HOMER2: variants seen among roughly 807,000 people sequenced by gnomAD.
HOMER2 encodes homer protein homolog 2.
A neutral mutation model predicts 47.0 loss-of-function variants in HOMER2; 27 were observed. That is an observed-to-expected ratio of 0.57 (90% confidence interval 0.42 to 0.79). HOMER2 has a LOEUF of 0.79. Ranked by LOEUF, HOMER2 falls within the 30% of genes least tolerant of loss-of-function variation. The pLI, the probability that HOMER2 is intolerant of heterozygous loss-of-function variation, is 0.00. For missense variants in HOMER2, 443 were observed against 435.0 expected (o/e 1.02, Z -0.16); for synonymous variants, 161 against 163.8 (o/e 0.98, Z 0.13).
chr15:82,930,234 C>T (rs1399072608), intron 1 of HOMER2, among the ~76,000 whole-genome samples: 1 of 152,186 alleles, frequency 6.6e-6, no homozygotes, highest in Non-Finnish European at 1.5e-5. Flanking sequence ...GTCACTCCAC[C>T]TCTCTCAACT....
At chr15:82,948,263 C>T (rs552861628) in intron 1 of HOMER2, among the ~76,000 whole-genome samples, 17 of 151,930 alleles carry the variant, frequency 1.1e-4, no homozygotes, top group Non-Finnish European at 2.1e-4. Context: ...TGGTGGCGGG[C>T]GCCTGTAGTC....
downstream of HOMER2, among the ~76,000 whole-genome samples, chr15:82,836,683 G>T (rs1441821385): frequency 6.6e-6 from 1 of 152,242 alleles, no homozygotes; most frequent in African/African-American, 2.4e-5. Flanking sequence ...TTGTCCTGGA[G>T]TGAAAAGCAT....
intron 2 of HOMER2, among the ~76,000 whole-genome samples, chr15:82,888,543 C>T (rs1314159403): frequency 6.0e-5 from 1 of 16,574 alleles, no homozygotes; most frequent in African/African-American, 4.8e-4. Flanking sequence ...TAGCAATCAG[C>T]GAGATTCCGT....
chr15:82,940,514 C>T (rs772952299), intron 1 of HOMER2, among the ~76,000 whole-genome samples: 9 of 152,142 alleles, frequency 5.9e-5, no homozygotes, highest in South Asian at 2.1e-4. Context: ...GAGGCCAAGG[C>T]GGGCGGATCA....
At chr15:82,963,641 C>T (rs965193117) in intron 1 of HOMER2, among the ~76,000 whole-genome samples, 4 of 152,182 alleles carry the variant, frequency 2.6e-5, no homozygotes, top group African/African-American at 9.6e-5. Flanking sequence ...TAATAAGCAC[C>T]TGGAGTGATT....
chr15:82,839,432 A>T (rs1435235630), exon 2 of HOMER2: 1 of 152,250 alleles, frequency 6.6e-6, no homozygotes, highest in Non-Finnish European at 1.5e-5. Context: ...ACATTAGCCT[A>T]CTTAGGGAGA....
At chr15:82,840,684 C>T (rs1390822634) in exon 2 of HOMER2, 1 of 152,042 alleles carries the variant, frequency 6.6e-6, no homozygotes, top group Non-Finnish European at 1.5e-5. Flanking sequence ...AATCTTCCTG[C>T]CTCCGCCTCC....
intron 4 of HOMER2, among the ~76,000 whole-genome samples, chr15:82,859,722 T>C (rs919662761): frequency 2.6e-5 from 4 of 152,206 alleles, no homozygotes; most frequent in Non-Finnish European, 5.9e-5. Flanking sequence ...GTGTTTTCCG[T>C]AAGTCATACC....
chr15:82,889,677 G>T (rs888699743), intron 2 of HOMER2, among the ~76,000 whole-genome samples: 1 of 152,178 alleles, frequency 6.6e-6, no homozygotes, highest in African/African-American at 2.4e-5. Flanking sequence ...AGCCGCGGGG[G>T]ACCAGGCAGC....
chr15:82,930,757 G>A (rs894931548), intron 1 of HOMER2, among the ~76,000 whole-genome samples: 4 of 152,194 alleles, frequency 2.6e-5, no homozygotes, highest in Non-Finnish European at 1.5e-5. Context: ...TGGGTGTGGT[G>A]GCTCATGCCT....
chr15:82,859,029 C>T lies in HOMER2; in HGVS notation c.494G>A (p.Ser165Asn), dbSNP rs928396831. 2.5e-6 allele frequency: 4 copies of T among 1,613,508 alleles called. No homozygotes were observed. Among genetic ancestry groups the T allele is most frequent in the Admixed American group, 3.3e-5 (2 of 59,958 alleles). ...AATCTGGACTTTAAAACAGCCTTAC[C>T]TCTGCGTCAAGGCAATCTTCAGCTT... The part of the protein sequence containing the change: ...NDKLKIALTQ[S>N]AANVKKWEIE... Residue 165 changes from serine to asparagine, a missense_variant and splice_region_variant, in exon 5 of 9, where the codon AGC (serine) becomes AAC (asparagine). Ser to Asn is a conservative substitution (Grantham distance 46, BLOSUM62 1). Transcript: ENST00000450735.
At chr15:82,894,729 C>G (rs12324281) in intron 1 of HOMER2, among the ~76,000 whole-genome samples, 1,610 of 148,146 alleles carry the variant, frequency 0.011, 34 homozygotes, top group African/African-American at 0.038. Context: ...TTAATAAGTA[C>G]TTATTAGAGA....
chr15:82,920,670 C>T (rs1194405251), intron 1 of HOMER2, among the ~76,000 whole-genome samples: 2 of 152,186 alleles, frequency 1.3e-5, no homozygotes, highest in Non-Finnish European at 1.5e-5. Flanking sequence ...CTCTTCAGAA[C>T]ACTTGTGATT....
chr15:82,856,388 G>A (rs2051586507), intron 5 of HOMER2, among the ~76,000 whole-genome samples: 2 of 152,152 alleles, frequency 1.3e-5, no homozygotes, highest in Non-Finnish European at 2.9e-5. Flanking sequence ...CAAGAAGGGA[G>A]GATAACTTGA....
At chr15:82,866,657 G>C (rs1015234759) in intron 3 of HOMER2, among the ~76,000 whole-genome samples, 19 of 152,120 alleles carry the variant, frequency 1.2e-4, no homozygotes, top group Admixed American at 1.2e-3. Flanking sequence ...CTGAATCATC[G>C]GGGCGGGTCT....
At chr15:82,879,603 A>C (rs934714710) in intron 2 of HOMER2, among the ~76,000 whole-genome samples, 1 of 152,372 alleles carries the variant, frequency 6.6e-6, no homozygotes, top group African/African-American at 2.4e-5. Context: ...TTTTATTGCT[A>C]AAAAATGCTA....
At chr15:82,928,597 A>C (rs2053915366) in intron 1 of HOMER2, among the ~76,000 whole-genome samples, 1 of 152,168 alleles carries the variant, frequency 6.6e-6, no homozygotes, top group Non-Finnish European at 1.5e-5. Flanking sequence ...TTAGACTGTA[A>C]CTTCTTCATC....
intron 1 of HOMER2, among the ~76,000 whole-genome samples, chr15:82,907,527 G>C (rs1567046688): frequency 6.6e-6 from 1 of 151,372 alleles, no homozygotes; most frequent in Non-Finnish European, 1.5e-5. Context: ...AGGAAAGAGA[G>C]AGACAGAAAG....
chr15:82,845,749 G>T (rs545047392), downstream of HOMER2: 19 of 152,290 alleles, frequency 1.2e-4, no homozygotes, highest in Non-Finnish European at 2.4e-4. Flanking sequence ...AGGTGCACCT[G>T]GCCACATGTG....
Sources: allele counts gnomAD v4.1 joint callset (sites outside exome capture counted in the v4.1 genomes callset), GRCh38; gene constraint gnomAD v4.1.1; transcripts MANE v1.5; gene names NCBI Gene and HGNC (gene_info 2026-07-23, HGNC 2026-07-21).